Variants in CD163L1 observed in about 807,000 individuals in gnomAD.
CD163L1 encodes the protein scavenger receptor cysteine-rich type 1 protein M160.
Under a neutral mutation model 165.4 loss-of-function variants are expected in CD163L1, and 124 were observed. The observed-to-expected ratio is 0.75, with a 90% CI of 0.65 to 0.87. The LOEUF (loss-of-function observed/expected upper bound fraction) is 0.87. CD163L1 is among the 40% of genes least tolerant of loss of function. The pLI, the probability that CD163L1 is intolerant of heterozygous loss-of-function variation, is 0.00. For missense variants in CD163L1, 1,525 were observed against 1,799.9 expected (o/e 0.85, Z 2.76); for synonymous variants, 585 against 662.2 (o/e 0.88, Z 1.79).
intron 8 of CD163L1, among the ~76,000 whole-genome samples, chr12:7,381,438 C>T (rs1022977293): frequency 1.3e-5 from 2 of 151,480 alleles, no homozygotes; most frequent in African/African-American, 4.9e-5. Flanking sequence ...CTAAATAAAA[C>T]TCCCATTCAG....
intron 4 of CD163L1, among the ~76,000 whole-genome samples, chr12:7,423,480 G>A (rs1379099335): frequency 1.3e-5 from 2 of 151,850 alleles, no homozygotes; most frequent in Non-Finnish European, 2.9e-5. Flanking sequence ...ACTAAGATAA[G>A]AGCAAAACTG....
At chr12:7,353,091 G>A (rs766212304), downstream of CD163L1, among the ~76,000 whole-genome samples, 5 of 151,820 alleles carry the variant, frequency 3.3e-5, no homozygotes, top group Non-Finnish European at 5.9e-5. Context: ...AAAATCTAAC[G>A]ACAATGGCTT....
chr12:7,320,351 A>G, the CD163L1 span, among the ~76,000 whole-genome samples: 334 of 152,350 alleles, frequency 2.2e-3, 2 homozygotes, highest in African/African-American at 7.5e-3. Context: ...TTATACATCC[A>G]TAGTCAATAC....
At chr12:7,426,381 C>A (rs750038449) in intron 4 of CD163L1, among the ~76,000 whole-genome samples, 2 of 151,866 alleles carry the variant, frequency 1.3e-5, no homozygotes, top group African/African-American at 4.8e-5. Context: ...ATAGGTCAGC[C>A]AATCACCATG....
chr12:7,399,294 T>C (rs1947853085), intron 6 of CD163L1, among the ~76,000 whole-genome samples: 1 of 106,748 alleles, frequency 9.4e-6, no homozygotes, highest in Non-Finnish European at 1.6e-5. Context: ...TTCCTTTTCT[T>C]TCTCTCCTTT....
intron 17 of CD163L1, among the ~76,000 whole-genome samples, 199 bp downstream of exon 17, chr12:7,367,888 G>T (rs913683058): frequency 6.6e-6 from 1 of 152,212 alleles, no homozygotes; most frequent in Non-Finnish European, 1.5e-5. Context: ...GCTTCTAAAA[G>T]ATTACATTTG....
chr12:7,366,796 AT>A (rs1230297141), intron 18 of CD163L1, among the ~76,000 whole-genome samples: 2 of 152,170 alleles, frequency 1.3e-5, no homozygotes, highest in African/African-American at 4.8e-5. Flanking sequence ...TCCACACTGT[AT>A]ATCATAATAA....
the CD163L1 span, among the ~76,000 whole-genome samples, chr12:7,327,472 C>G: frequency 6.6e-6 from 1 of 152,124 alleles, no homozygotes; most frequent in South Asian, 2.1e-4. Context: ...AAAGTACATG[C>G]CTTGAAGTAT....
chr12:7,421,538 C>CATGTAT (rs1491435280), intron 4 of CD163L1, among the ~76,000 whole-genome samples: 3 of 69,006 alleles, frequency 4.3e-5, no homozygotes, highest in African/African-American at 3.7e-4. Flanking sequence ...TATACATATA[C>CATGTAT]GTACACATAT....
At chr12:7,437,773 G>A (rs1465070485) in intron 2 of CD163L1, among the ~76,000 whole-genome samples, 1 of 148,344 alleles carries the variant, frequency 6.7e-6, no homozygotes, top group Non-Finnish European at 1.5e-5. Context: ...CATGATCAAT[G>A]ATCATTAAAT....
the CD163L1 span, among the ~76,000 whole-genome samples, chr12:7,325,768 A>T: frequency 6.6e-6 from 1 of 152,196 alleles, no homozygotes; most frequent in East Asian, 1.9e-4. Context: ...TTCTAGGAGG[A>T]AGCCCTATTT....
chr12:7,359,835 G>T (rs967845640), intron 18 of CD163L1, among the ~76,000 whole-genome samples: 1 of 151,990 alleles, frequency 6.6e-6, no homozygotes, highest in Non-Finnish European at 1.5e-5. Context: ...GCACTTTAAA[G>T]ACTTTGTTTA....
the CD163L1 span, chr12:7,324,473 G>A: frequency 6.2e-7 from 1 of 1,613,868 alleles, no homozygotes; most frequent in Non-Finnish European, 8.5e-7. Flanking sequence ...AGGATGTGGT[G>A]GTCAAAAACT....
chr12:7,428,219 C>T (rs1471779278), intron 4 of CD163L1, among the ~76,000 whole-genome samples: 5 of 151,818 alleles, frequency 3.3e-5, no homozygotes, highest in Non-Finnish European at 5.9e-5. Flanking sequence ...AACTAAAATA[C>T]GGAGTAAAAT....
the CD163L1 span, chr12:7,327,076 C>T: frequency 6.2e-7 from 1 of 1,607,848 alleles, no homozygotes; most frequent in Non-Finnish European, 8.5e-7. Flanking sequence ...TCAACTGCAC[C>T]TTACAAATAT....
At chr12:7,327,135 A>G in the CD163L1 span, 62 of 1,553,298 alleles carry the variant, frequency 4.0e-5, no homozygotes, top group Non-Finnish European at 1.7e-6. Context: ...GATGTTACCA[A>G]ACTAGGGTCT....
At chr12:7,401,728 T>A (rs755958073) in intron 6 of CD163L1, among the ~76,000 whole-genome samples, 2 of 151,962 alleles carry the variant, frequency 1.3e-5, no homozygotes, top group East Asian at 3.9e-4. Context: ...GGTACACACA[T>A]ACACACACAC....
At chr12:7,348,513 C>A (rs183405455) in intron 4 of CD163L1, among the ~76,000 whole-genome samples, 31 of 152,234 alleles carry the variant, frequency 2.0e-4, no homozygotes, top group African/African-American at 7.5e-4. Context: ...ACATAGCATG[C>A]CATTTAGTAT....
At chr12:7,323,928 G>C in the CD163L1 span, among the ~76,000 whole-genome samples, 1 of 152,048 alleles carries the variant, frequency 6.6e-6, no homozygotes, top group Admixed American at 6.6e-5. Flanking sequence ...TATAATTTCA[G>C]CACTTTAGGA....
Sources: gnomAD v4.1 joint callset for allele counts (sites outside exome capture counted in the v4.1 genomes callset) on GRCh38, gnomAD v4.1.1 for gene constraint, MANE v1.5 for transcripts, NCBI Gene and HGNC (gene_info 2026-07-23, HGNC 2026-07-21) for gene names.